FLNA: variants seen among roughly 807,000 people sequenced by gnomAD.
FLNA encodes filamin-A.
In FLNA, 7 loss-of-function variants were observed where a neutral mutation model predicts 157.6. The ratio of observed to expected loss-of-function variants is 0.04; its 90% CI spans 0.03 to 0.08. FLNA has a LOEUF of 0.08. FLNA is among the 10% of genes least tolerant of loss of function. FLNA has a pLI of 1.00. For missense variants in FLNA, 1,750 were observed against 2,398.4 expected (o/e 0.73, Z 5.65); for synonymous variants, 1,103 against 1,060.8 (o/e 1.04, Z -0.77).
At position 154,350,169 on chromosome X, in the gene FLNA, C is replaced by G. The variant is rs878854463; in HGVS notation, c.7195G>C (p.Val2399Leu). Residue 2399 changes from valine to leucine, a missense_variant, in exon 45 of 48, where the codon GTT (valine) becomes CTT (leucine). Physicochemically the swap from Val to Leu is conservative, Grantham distance 32. This residue lies in a region of FLNA where 970 missense variants were observed against 1,302.6 expected (regional missense o/e 0.74). Transcript: ENST00000369850. ...TTGAACTTGACGTCAATCAGGTAAA[C>G]GCCATTCTCCCGAGGGATGAAGCGC... ...AVRFIPRENGVYLIDVKFNGT... is the reference protein window; with the variant it reads ...AVRFIPRENGLYLIDVKFNGT... 8.3e-7 allele frequency: 1 copy of G among 1,210,426 alleles called. No homozygotes were observed. The highest frequency in any genetic ancestry group is 1.1e-6 in the Non-Finnish European group (1 of 895,094).
At position 154,362,790 on chromosome X, in the gene FLNA, G is replaced by A. The variant is rs1248116977; in HGVS notation, c.2281-6C>T. On this transcript the variant is annotated splice_polypyrimidine_tract_variant and splice_region_variant and intron_variant, in intron 15 of 47. Coordinates refer to ENST00000369850, the MANE Select transcript of FLNA (RefSeq NM_001110556.2). ...CTGCCAGCTCCCACATTCACCTGCA[G>A]GGCACAGGGGCAAGGGCAAGGGCAT... 1.7e-6 allele frequency: 2 copies of A among 1,193,381 alleles called. No individual in the cohort carries two copies. Among genetic ancestry groups the A allele is most frequent in the African/African-American group, 3.5e-5 (2 of 56,859 alleles).
In FLNA at chrX:154,366,697, G is replaced by A. The variant is rs782120785; in HGVS notation, c.987+35C>T. ...AAGAGCAGCCCCACTGAAAGGGAGC[G>A]CTGCGGGGCCTCTGCTGCCAGCAGC... is the stretch of plus-strand genomic sequence containing the variant. On this transcript the variant is annotated intron_variant, in intron 6 of 47. Transcript: ENST00000369850. 5.0e-6 allele frequency: 6 copies of A among 1,196,489 alleles called. No homozygotes were observed. The African/African-American group carries it at 5.2e-5, about 10-fold the overall frequency.
In FLNA at chrX:154,364,945, C is replaced by T. The variant is rs1557178850; in HGVS notation, c.1704G>A (p.Val568=). The change falls in exon 12 of 48, where the codon GTG becomes GTA. Residue 568 remains valine, a synonymous_variant. Transcript: ENST00000369850. ...GQNIGRSPFE[V]KVGTECGNQK... ...GATTGCCACACTCGGTGCCCACCTT[C>T]ACTTCGAAGGGACTGCAAATGCGAG... is the stretch of plus-strand genomic sequence containing the variant. 8.3e-7 allele frequency: 1 copy of T among 1,211,486 alleles called. No individual in the cohort carries two copies. Among genetic ancestry groups the T allele is most frequent in the Non-Finnish European group, 1.1e-6 (1 of 895,592 alleles).
At position 154,353,300 on chromosome X, in the gene FLNA, G is replaced by A. The variant is rs1557176187; in HGVS notation, c.6018C>T (p.His2006=). 1.2e-5 allele frequency: 14 copies of A among 1,211,760 alleles called. No homozygotes were observed. In the South Asian group the frequency reaches 1.4e-4, roughly 12 times the overall value. Residue 2006 remains histidine (H), a synonymous_variant, in exon 37 of 48, where the codon CAC becomes CAT. Transcript: ENST00000369850. The part of the protein sequence containing the change: ...PCLLKRLRNG[H]VGISFVPKET... The stretch of plus-strand genomic sequence containing the variant: ...CTGGACCCTTCAGCCGCTTACCCAC[G>A]TGGCCATTACGCAGCCGCTTCAGCA...
chrX:154,364,336 C>T lies in FLNA; in HGVS notation c.2059G>A (p.Val687Met). The T allele has an allele frequency of 8.3e-7, 1 of 1,211,191 alleles. No individual in the cohort carries two copies. Among genetic ancestry groups the T allele is most frequent in the Non-Finnish European group, 1.1e-6 (1 of 895,417 alleles). The change falls in exon 14 of 48, where the codon GTG (valine) becomes ATG (methionine). Residue 687 changes from valine (V) to methionine (M), a missense_variant. Physicochemically the swap from Val to Met is conservative, Grantham distance 21 (BLOSUM62 1). Transcript: ENST00000369850. The part of the protein sequence containing the change: ...ARGPGLEKTG[V>M]AVNKPAEFTV... The stretch of plus-strand genomic sequence containing the variant: ...AACTCTGCTGGCTTGTTGACGGCCA[C>T]ACCTGTCTTCTCCAATCCAGGCCCA...
chrX:154,349,936 C>T (rs1323253337), intron 45 of FLNA, 69 bp from the exon 46 acceptor site: 1 of 1,180,018 alleles, frequency 8.5e-7, no homozygotes, highest in Non-Finnish European at 1.2e-6. Context: ...CCAGCACAGG[C>T]TTGTCACCTC....
Position 154,365,275 on chromosome X carries a change from G to A in FLNA, c.1568-16C>T. 1.7e-6 allele frequency: 2 copies of A among 1,211,958 alleles called. No individual in the cohort carries two copies. The highest frequency in any genetic ancestry group is 1.7e-5 in the African/African-American group (1 of 57,993). On this transcript the variant is annotated splice_polypyrimidine_tract_variant and intron_variant, in intron 10 of 47. Coordinates refer to ENST00000369850, the MANE Select transcript of FLNA (RefSeq NM_001110556.2). ...TCCTCTCCCTCTGCCAAGACAAGGA[G>A]GGCCTCAGGCCTGCCCAGCAGTGAA...
rs1247203858 is a variant in FLNA at position 154,371,184 on chromosome X, A to G, written c.62T>C (p.Val21Ala). The change falls in exon 2 of 48, where the codon GTC (valine) becomes GCC (alanine). Residue 21 changes from valine (V) to alanine (A), a missense_variant. By Grantham distance (64) the Val-to-Ala change is moderately conservative. Coordinates refer to ENST00000369850, the MANE Select transcript of FLNA (RefSeq NM_001110556.2). ...SAAGAAPGGG[V>A]DTRDAEMPAT... ...CGGCATCTCGGCGTCCCGCGTGTCG[A>G]CGCCGCCGCCCGGAGCCGCGCCTGC... 1 of 1,193,456 alleles carries G rather than the reference A, an allele frequency of 8.4e-7. No individual in the cohort carries two copies. Among genetic ancestry groups the G allele is most frequent in the Non-Finnish European group, 1.1e-6 (1 of 887,362 alleles).
In FLNA at chrX:154,362,677, G is replaced by A. The variant is rs931584047; in HGVS notation, c.2388C>T (p.Cys796=). The A allele has an allele frequency of 7.4e-6, 9 of 1,209,337 alleles. No homozygotes were observed. The highest frequency in any genetic ancestry group is 1.8e-5 in the South Asian group (1 of 56,814). The change falls in exon 16 of 48, where the codon TGC becomes TGT. Residue 796 remains cysteine (C), a synonymous_variant. Transcript: ENST00000369850. ...AHEPTYFTVD[C]AEAGQGDVSI... ...AGGCCTTACCCTGGCCAGCCTCGGC[G>A]CAGTCCACAGTGAAGTAGGTGGGCT...
At chrX:154,371,478 G>T in intron 1 of FLNA, 117 bp from the exon 2 acceptor site, 1 of 405,768 alleles carries the variant, frequency 2.5e-6, no homozygotes, top group South Asian at 3.7e-5. Context: ...ACCCCGCCCC[G>T]CCCGTTGGAA....
At position 154,364,331 on chromosome X, in the gene FLNA, G is replaced by C. The variant is rs782738252; in HGVS notation, c.2064C>G (p.Ala688=). 5 of 1,210,837 alleles carry C rather than the reference G, an allele frequency of 4.1e-6. No individual in the cohort carries two copies. The highest frequency in any genetic ancestry group is 5.6e-6 in the Non-Finnish European group (5 of 895,305). Residue 688 remains alanine, a synonymous_variant, in exon 14 of 48, where the codon GCC becomes GCG. Transcript: ENST00000369850. The part of the protein sequence containing the change: ...RGPGLEKTGV[A]VNKPAEFTVD... ...CTGTGAACTCTGCTGGCTTGTTGAC[G>C]GCCACACCTGTCTTCTCCAATCCAG...
chrX:154,358,070 A>C, intron 28 of FLNA, 129 bp downstream of exon 28: 1 of 778,750 alleles, frequency 1.3e-6, no homozygotes, highest in South Asian at 2.2e-5. Context: ...AGCAAACCAA[A>C]GACAGGGGCC....
intron 1 of FLNA, among the ~76,000 whole-genome samples, 178 bp from the exon 2 acceptor site, chrX:154,371,539 C>G (rs1356360942): frequency 8.9e-6 from 1 of 112,349 alleles, no homozygotes; most frequent in Non-Finnish European, 1.9e-5. Flanking sequence ...AACCCGGGCT[C>G]CAGGGTGGGT....
intron 26 of FLNA, 149 bp from the exon 27 acceptor site, chrX:154,358,717 G>T: frequency 1.3e-6 from 1 of 761,717 alleles, no homozygotes; most frequent in Non-Finnish European, 2.0e-6. Flanking sequence ...GACCCCCTCT[G>T]GCACGAAAGA....
chrX:154,351,140 C>G, intron 43 of FLNA, 99 bp from the exon 44 acceptor site: 1 of 984,776 alleles, frequency 1.0e-6, no homozygotes, highest in Non-Finnish European at 1.4e-6. Context: ...TCGCACTTAC[C>G]CATCTGGCGT....
Position 154,374,592 on chromosome X carries a change from G to T in FLNA, c.-203C>A. 8.8e-6 allele frequency: 1 copy of T among 113,380 alleles called. No homozygotes were observed. Among genetic ancestry groups the T allele is most frequent in the South Asian group, 2.9e-4 (1 of 3,440 alleles). The allele number at this position is 113,380 out of a possible 1,213,427, so 9.3% of individuals were successfully genotyped here. On this transcript the variant is annotated 5_prime_UTR_variant, in exon 1 of 48. Transcript: ENST00000369850. Reference sequence around the variant, plus strand: ...CGCCCGCGCCCGCGCCAGGCGCCTCGGGGATTCTGTCGGCGTCCGCTGCGC... The same window carrying T: ...CGCCCGCGCCCGCGCCAGGCGCCTCTGGGATTCTGTCGGCGTCCGCTGCGC...
At position 154,364,951 on chromosome X, in the gene FLNA, G is replaced by C. The variant is rs781830848; in HGVS notation, c.1698C>G (p.Phe566Leu). 5 of 1,209,733 alleles carry C rather than the reference G, an allele frequency of 4.1e-6. No homozygotes were observed. The Admixed American group carries it at 6.5e-5, about 16-fold the overall frequency. ...WGGQNIGRSP[F>L]EVKVGTECGN... ...CACACTCGGTGCCCACCTTCACTTC[G>C]AAGGGACTGCAAATGCGAGAGCCAC... The change falls in exon 12 of 48, where the codon TTC (phenylalanine) becomes TTG (leucine). Residue 566 changes from phenylalanine to leucine, a missense_variant. Physicochemically the swap from Phe to Leu is conservative, Grantham distance 22. This residue lies in a region of FLNA where 648 missense variants were observed against 805.8 expected (regional missense o/e 0.80). Transcript: ENST00000369850.
rs369037499 is a variant in FLNA, at chrX:154,364,610, G to A, written c.1938C>T (p.His646=). Residue 646 remains histidine, a synonymous_variant, in exon 13 of 48, where the codon CAC becomes CAT. Transcript: ENST00000369850. ...GGATGTCTTCGCTGTTGCACAGCAC[G>A]TGAACGGCATACTCGCCAGCCTCCT... The part of the protein sequence containing the change: ...WPQEAGEYAV[H]VLCNSEDIRL... 2.9e-5 allele frequency: 35 copies of A among 1,211,147 alleles called. No individual in the cohort carries two copies. Among genetic ancestry groups the A allele is most frequent in the Non-Finnish European group, 3.5e-5 (31 of 895,456 alleles).
chrX:154,358,259 G>A lies in FLNA; in HGVS notation c.4695C>T (p.Pro1565=), dbSNP rs1424968152. 9.9e-6 allele frequency: 12 copies of A among 1,211,048 alleles called. No individual in the cohort carries two copies. The highest frequency in any genetic ancestry group is 1.7e-5 in the African/African-American group (1 of 57,894). The change falls in exon 28 of 48, where the codon CCC becomes CCT. Residue 1565 remains proline (P), a synonymous_variant. Transcript: ENST00000369850. ...LNTTGVPASL[P]VEFTIDAKDA... ...CCTTTGCATCGATGGTGAACTCCAC[G>A]GGCAGGCTGGCAGGCACGCCAGTGG... is the stretch of plus-strand genomic sequence containing the variant.
Sources: allele counts gnomAD v4.1 joint callset (sites outside exome capture counted in the v4.1 genomes callset), GRCh38; gene constraint gnomAD v4.1.1; regional missense constraint gnomAD v4.1.1; transcripts MANE v1.5; gene names NCBI Gene and HGNC (gene_info 2026-07-23, HGNC 2026-07-21).